Variants in ADGRL2 observed in about 807,000 individuals in gnomAD.
The protein encoded by ADGRL2 is adhesion G protein-coupled receptor L2, also known as calcium-independent alpha-latrotoxin receptor 2.
A neutral mutation model predicts 157.4 loss-of-function variants in ADGRL2; 44 were observed. The ratio of observed to expected loss-of-function variants is 0.28; its 90% CI spans 0.22 to 0.36. The LOEUF (loss-of-function observed/expected upper bound fraction) is 0.36, where lower values mean the gene tolerates loss of function less well. Ranked by LOEUF, ADGRL2 falls within the 10% of genes least tolerant of loss-of-function variation. The pLI is 1.00. For synonymous variants in ADGRL2, 585 were observed against 624.7 expected, an observed-to-expected ratio of 0.94 and a Z score of 0.95; for missense variants, 1,510 against 1,768.9, an observed-to-expected ratio of 0.85 and a Z score of 2.63.
At chr1:81,715,236 T>C (rs2084071735) in intron 1 of ADGRL2, among the ~76,000 whole-genome samples, 1 of 151,660 alleles carries the variant, frequency 6.6e-6, no homozygotes, top group Non-Finnish European at 1.5e-5. Flanking sequence ...AACAGGCCAC[T>C]CAAATGTACA....
intron 2 of ADGRL2, among the ~76,000 whole-genome samples, chr1:81,868,101 AATT>A (rs1386264682): frequency 7.3e-6 from 1 of 136,198 alleles, no homozygotes; most frequent in Non-Finnish European, 1.6e-5. Context: ...GTGTGATAAA[AATT>A]ATTTTCCTTT....
At chr1:81,886,213 C>T (rs995059133) in intron 2 of ADGRL2, among the ~76,000 whole-genome samples, 10 of 152,074 alleles carry the variant, frequency 6.6e-5, no homozygotes, top group African/African-American at 2.2e-4. Flanking sequence ...GCTTTTGTCA[C>T]CAGGCTGGAG....
chr1:81,943,043 G>T lies in ADGRL2; in HGVS notation c.484G>T (p.Ala162Ser). ...CIYEAEQKAG[A>S]WCKDPLQAAD... ...ATATGAAGCTGAACAAAAGGCGGGT[G>T]CTTGGTGCAAGGACCCTCTTCAGGC... The change falls in exon 6 of 24, where the codon GCT (alanine) becomes TCT (serine). Residue 162 changes from alanine to serine, a missense_variant. By Grantham distance (99) the Ala-to-Ser change is moderately conservative. This residue lies in a region of ADGRL2 where 361 missense variants were observed against 498.4 expected (regional missense o/e 0.72). Coordinates refer to ENST00000686636, the MANE Select transcript of ADGRL2 (RefSeq NM_001366006.2). The surrounding 1 kb of genome is among the most constrained non-coding windows in gnomAD (Gnocchi z 5.6). The T allele has an allele frequency of 6.2e-7, 1 of 1,613,238 alleles. No homozygotes were observed. The highest frequency in any genetic ancestry group is 8.5e-7 in the Non-Finnish European group (1 of 1,179,368).
intron 1 of ADGRL2, among the ~76,000 whole-genome samples, chr1:81,418,456 T>G (rs369982220): frequency 4.9e-4 from 75 of 152,212 alleles, no homozygotes; most frequent in Middle Eastern, 6.8e-3. Flanking sequence ...AAAATGAATT[T>G]AAATAAGATT....
intron 2 of ADGRL2, among the ~76,000 whole-genome samples, chr1:81,578,160 T>G (rs1347173980): frequency 6.6e-6 from 1 of 152,142 alleles, no homozygotes; most frequent in Non-Finnish European, 1.5e-5. Context: ...AGTTATACAA[T>G]GGGGAAATTC....
At chr1:81,695,181 T>C (rs2083418030), upstream of ADGRL2, among the ~76,000 whole-genome samples, 1 of 152,078 alleles carries the variant, frequency 6.6e-6, no homozygotes, top group Non-Finnish European at 1.5e-5. Flanking sequence ...CGACAGTCTC[T>C]TGATAACATA....
chr1:81,362,135 A>G (rs1163243334), intron 1 of ADGRL2, among the ~76,000 whole-genome samples: 1 of 151,960 alleles, frequency 6.6e-6, no homozygotes, highest in African/African-American at 2.4e-5. Flanking sequence ...TTCCTCTAAG[A>G]CACTTCGGTA....
chr1:81,397,871 G>A (rs554601799), intron 1 of ADGRL2, among the ~76,000 whole-genome samples: 1 of 152,208 alleles, frequency 6.6e-6, no homozygotes, highest in East Asian at 1.9e-4. Context: ...TTTCTTGGTT[G>A]ATTTTTTCGT....
chr1:81,605,706 C>G (rs1412829184), intron 3 of ADGRL2, among the ~76,000 whole-genome samples: 1 of 152,176 alleles, frequency 6.6e-6, no homozygotes, highest in African/African-American at 2.4e-5. Context: ...TTGGGAGAAA[C>G]TTAACACATC....
intron 1 of ADGRL2, among the ~76,000 whole-genome samples, chr1:81,390,476 A>G (rs1002618112): frequency 4.6e-5 from 7 of 152,302 alleles, no homozygotes; most frequent in Admixed American, 2.0e-4. Context: ...ACATGTATAG[A>G]TATGCAATTT....
At chr1:81,540,671 A>C (rs577738957) in intron 2 of ADGRL2, among the ~76,000 whole-genome samples, 1 of 152,208 alleles carries the variant, frequency 6.6e-6, no homozygotes, top group Non-Finnish European at 1.5e-5. Flanking sequence ...AAAAAAAAAT[A>C]AAAAATAAAC....
intron 3 of ADGRL2, among the ~76,000 whole-genome samples, chr1:81,691,880 G>A (rs1162489): frequency 0.59 from 67,147 of 112,998 alleles, 20,981 homozygotes; most frequent in African/African-American, 0.76. Context: ...GTGTGTGTGT[G>A]TATATATATA....
intron 2 of ADGRL2, chr1:81,503,291 G>C: frequency 6.2e-7 from 1 of 1,614,166 alleles, no homozygotes; most frequent in Non-Finnish European, 8.5e-7. Flanking sequence ...GACATCGATG[G>C]CACCACCTAC....
At chr1:81,504,088 G>T (rs1423535956) in intron 2 of ADGRL2, among the ~76,000 whole-genome samples, 1 of 152,220 alleles carries the variant, frequency 6.6e-6, no homozygotes, top group African/African-American at 2.4e-5. Context: ...GGAAGAGGCT[G>T]TGAGGGCAGT....
At chr1:81,519,806 C>A (rs966666010) in intron 2 of ADGRL2, among the ~76,000 whole-genome samples, 2 of 152,066 alleles carry the variant, frequency 1.3e-5, no homozygotes, top group Admixed American at 1.3e-4. Flanking sequence ...TTCTTTATTG[C>A]CAAGGAGCCC....
intron 2 of ADGRL2, among the ~76,000 whole-genome samples, chr1:81,841,069 AT>A (rs2092558603): frequency 6.6e-6 from 1 of 152,200 alleles, no homozygotes; most frequent in African/African-American, 2.4e-5. Flanking sequence ...CAAGTTACAA[AT>A]AATAGTACTT....
chr1:81,818,809 A>G (rs1349828808), intron 1 of ADGRL2, among the ~76,000 whole-genome samples: 1 of 152,200 alleles, frequency 6.6e-6, no homozygotes, highest in Non-Finnish European at 1.5e-5. Context: ...GGTAGGTTAG[A>G]GTAAATTCAA....
chr1:81,311,714 T>C (rs747080009), intron 1 of ADGRL2, among the ~76,000 whole-genome samples: 26 of 152,218 alleles, frequency 1.7e-4, no homozygotes, highest in Non-Finnish European at 3.5e-4. Flanking sequence ...TCTGACAGCA[T>C]ATTAAAATTT....
intron 1 of ADGRL2, among the ~76,000 whole-genome samples, chr1:81,714,616 T>A (rs1238370205): frequency 6.6e-6 from 1 of 152,190 alleles, no homozygotes; most frequent in Non-Finnish European, 1.5e-5. Context: ...CTAAAGGGGA[T>A]AAAGAAGATT....
Sources: gnomAD v4.1 joint callset for allele counts (sites outside exome capture counted in the v4.1 genomes callset) on GRCh38, gnomAD v4.1.1 for gene constraint, gnomAD v4.1.1 regional missense constraint, Gnocchi (gnomAD v3.1) non-coding constraint, MANE v1.5 for transcripts, NCBI Gene and HGNC (gene_info 2026-07-23, HGNC 2026-07-21) for gene names.